Variants in DHX9 observed in about 807,000 individuals in gnomAD.
The protein encoded by DHX9 is DExH-box helicase 9, also known as ATP-dependent RNA helicase A.
DHX9 carries 27 observed loss-of-function variants against 148.7 expected under a neutral mutation model. The observed-to-expected ratio is 0.18, with a 90% confidence interval of 0.13 to 0.25. DHX9 has a LOEUF of 0.25. Ranked by LOEUF, DHX9 falls within the 10% of genes least tolerant of loss-of-function variation. The probability of loss-of-function intolerance (pLI) is 1.00; values close to 1 mark genes in which losing one functional copy is unlikely to be tolerated. For synonymous variants in DHX9, 529 were observed against 516.6 expected (o/e 1.02, Z -0.33); for missense variants, 796 against 1,559.6 (o/e 0.51, Z 8.25).
intron 19 of DHX9, 64 bp downstream of exon 19, chr1:182,876,967 A>T: frequency 8.3e-7 from 1 of 1,203,330 alleles, no homozygotes. Context: ...CTTACCAGTT[A>T]ACAGAATCAA....
In DHX9 at chr1:182,860,734, C is replaced by T. The variant is rs77308470; in HGVS notation, c.1332+550C>T. Among the ~76,000 whole-genome samples the T allele has an allele frequency of 5.1e-3, 783 of 152,264 alleles. 21 individuals are homozygous for T. The East Asian group carries it at 0.055, about 11-fold the overall frequency. On this transcript the variant is annotated intron_variant, in intron 12 of 27. Transcript: ENST00000367549. ...ACTAGGATTAAAAAACCAAGCAATC[C>T]GCCTTTTAGGATTCTTCCTTTTAAC... is the stretch of plus-strand genomic sequence containing the variant.
chr1:182,865,413 A>T (rs1648253087), intron 12 of DHX9, among the ~76,000 whole-genome samples: 1 of 152,250 alleles, frequency 6.6e-6, no homozygotes, highest in Admixed American at 6.5e-5. Context: ...GACTTACAGG[A>T]GTTGAACCTT....
intron 21 of DHX9, 145 bp downstream of exon 21, chr1:182,879,555 C>A: frequency 1.6e-6 from 1 of 635,854 alleles, no homozygotes; most frequent in South Asian, 6.0e-5. Flanking sequence ...CCAGTCTTAC[C>A]TTAGATAGTT....
intron 21 of DHX9, among the ~76,000 whole-genome samples, chr1:182,879,689 C>G (rs1170568489): frequency 6.6e-6 from 1 of 152,158 alleles, no homozygotes; most frequent in East Asian, 1.9e-4. Context: ...ACATAACTTA[C>G]TCATGATACC....
rs1469417360 is a variant in DHX9 at position 182,858,696 on chromosome 1, A to G, written c.901-37A>G. 2.5e-6 allele frequency: 4 copies of G among 1,612,914 alleles called. No homozygotes were observed. In the South Asian group the frequency reaches 4.4e-5, roughly 18 times the overall value. ...CGTAGAACTCTCCGTAGACAAGCAA[A>G]TCATATTTTTTGTTTGTTTTTCTTA... On this transcript the variant is annotated intron_variant, in intron 9 of 27. Transcript: ENST00000367549.
chr1:182,842,748 C>G, intron 2 of DHX9, 71 bp downstream of exon 2: 3 of 1,249,760 alleles, frequency 2.4e-6, no homozygotes, highest in Non-Finnish European at 2.3e-6. Context: ...AAAATGTTTT[C>G]TGTTTGGAGA....
chr1:182,839,817 G>GC (rs1447568073), intron 1 of DHX9: 1 of 152,400 alleles, frequency 6.6e-6, no homozygotes, highest in Non-Finnish European at 1.5e-5. Flanking sequence ...GGCGCCACTG[G>GC]CCTAGGGCTC....
Position 182,847,664 on chromosome 1 carries a change from A to G in DHX9, c.252+4230A>G, listed in dbSNP as rs1250609555. Among the ~76,000 whole-genome samples, 3 of 152,168 alleles carry G rather than the reference A, an allele frequency of 2.0e-5. No homozygotes were observed. In the East Asian group the frequency reaches 5.8e-4, roughly 29 times the overall value. ...AGCAGCTTTGCTTTCCCTGAACTCT[A>G]ATTCTGATTCTTCAGGCCAAAAAGA... is the stretch of plus-strand genomic sequence containing the variant. On this transcript the variant is annotated intron_variant, in intron 3 of 27. Transcript: ENST00000367549.
In DHX9 at chr1:182,878,006, CT is replaced by C; in HGVS notation, c.2199-10del. ...TACACATGAGTCTTAGAATTAACCA[CT>C]TTTTCCTATGTAGGCAGAAAGTGAA... On this transcript the variant is annotated splice_polypyrimidine_tract_variant and intron_variant, in intron 19 of 27. Coordinates refer to ENST00000367549, the MANE Select transcript of DHX9 (RefSeq NM_001357.5). The C allele has an allele frequency of 6.2e-7, 1 of 1,613,850 alleles. No individual in the cohort carries two copies. The highest frequency in any genetic ancestry group is 1.1e-5 in the South Asian group (1 of 91,046).
At chr1:182,869,799 A>G (rs1648482448) in intron 14 of DHX9, among the ~76,000 whole-genome samples, 1 of 152,192 alleles carries the variant, frequency 6.6e-6, no homozygotes, top group Non-Finnish European at 1.5e-5. Flanking sequence ...GGGTTTCACC[A>G]TGTTGGCCGA....
chr1:182,866,495 G>A lies in DHX9; in HGVS notation c.1384G>A (p.Gly462Arg). ...SVAERVAFERGEEPGKSCGYS... is the reference protein window; with the variant it reads ...SVAERVAFERREEPGKSCGYS... ...GGCAGAGCGAGTTGCATTTGAAAGA[G>A]GAGAAGAGCCTGGAAAAAGCTGTGG... Residue 462 changes from glycine (G) to arginine (R), a missense_variant, in exon 13 of 28, where the codon GGA becomes AGA. By Grantham distance (125) the Gly-to-Arg change is moderately radical. Transcript: ENST00000367549. 1 of 1,614,146 alleles carries A rather than the reference G, an allele frequency of 6.2e-7. No individual in the cohort carries two copies. The highest frequency in any genetic ancestry group is 8.5e-7 in the Non-Finnish European group (1 of 1,180,016).
intron 16 of DHX9, among the ~76,000 whole-genome samples, 199 bp from the exon 17 acceptor site, chr1:182,875,851 A>G (rs757381131): frequency 1.3e-5 from 2 of 152,210 alleles, no homozygotes; most frequent in African/African-American, 2.4e-5. Flanking sequence ...AGAAATACTA[A>G]TTAGTGGAAA....
intron 24 of DHX9, among the ~76,000 whole-genome samples, 197 bp downstream of exon 24, chr1:182,881,844 A>G (rs1434909231): frequency 1.3e-5 from 2 of 152,188 alleles, no homozygotes; most frequent in African/African-American, 4.8e-5. Flanking sequence ...GTGGTTTGCA[A>G]AGTAATTTAT....
At chr1:182,884,378 C>T (rs750914780) in intron 26 of DHX9, among the ~76,000 whole-genome samples, 1 of 151,966 alleles carries the variant, frequency 6.6e-6, no homozygotes, top group South Asian at 2.1e-4. Context: ...GACTTTTTGG[C>T]TTAAGACTCC....
chr1:182,858,047 A>G (rs1476426382), intron 7 of DHX9, 57 bp from the exon 8 acceptor site: 1 of 1,556,702 alleles, frequency 6.4e-7, no homozygotes, highest in Non-Finnish European at 8.7e-7. Context: ...TTGTGATAAG[A>G]TGTTTCTTTA....
At chr1:182,872,877 C>T (rs951428072) in intron 15 of DHX9, among the ~76,000 whole-genome samples, 1 of 152,120 alleles carries the variant, frequency 6.6e-6, no homozygotes, top group African/African-American at 2.4e-5. Context: ...TTTTTAGAGC[C>T]TGAGCAACTA....
chr1:182,847,528 G>A (rs928240230), intron 3 of DHX9, among the ~76,000 whole-genome samples: 1 of 152,162 alleles, frequency 6.6e-6, no homozygotes, highest in Non-Finnish European at 1.5e-5. Flanking sequence ...GGGCAGCTTG[G>A]AATCTGCCCT....
At chr1:182,881,959 G>GA (rs895079401) in intron 24 of DHX9, among the ~76,000 whole-genome samples, 1 of 151,990 alleles carries the variant, frequency 6.6e-6, no homozygotes, top group African/African-American at 2.4e-5. Flanking sequence ...ATCTAACATA[G>GA]AAAAAAACCA....
chr1:182,843,619 T>C (rs910318282), intron 3 of DHX9, among the ~76,000 whole-genome samples, 185 bp downstream of exon 3: 6 of 152,214 alleles, frequency 3.9e-5, no homozygotes, highest in African/African-American at 9.7e-5. Context: ...TGCATCCTTA[T>C]TATATACCTG....
Sources: allele counts gnomAD v4.1 joint callset (sites outside exome capture counted in the v4.1 genomes callset), GRCh38; gene constraint gnomAD v4.1.1; transcripts MANE v1.5; gene names NCBI Gene and HGNC (gene_info 2026-07-23, HGNC 2026-07-21).